The following ARMH3 variants were observed in gnomAD, a reference collection of about 807,000 sequenced individuals.
ARMH3 encodes armadillo like helical domain containing 3.
ARMH3 carries 60 observed loss-of-function variants against 99.1 expected under a neutral mutation model. The observed-to-expected ratio is 0.61, with a 90% CI of 0.49 to 0.75. The LOEUF (loss-of-function observed/expected upper bound fraction) is 0.75. Among genes scored for constraint, ARMH3 ranks in the 30% least tolerant of loss-of-function variants. ARMH3 has a pLI of 0.00. For synonymous variants in ARMH3, 285 were observed against 292.8 expected, an observed-to-expected ratio of 0.97 and a Z score of 0.27; for missense variants, 679 against 843.1, an observed-to-expected ratio of 0.81 and a Z score of 2.41.
intron 2 of ARMH3, among the ~76,000 whole-genome samples, chr10:102,036,853 C>A (rs1262955912): frequency 7.4e-5 from 11 of 148,278 alleles, no homozygotes; most frequent in African/African-American, 2.7e-4. Context: ...GAGAAACACC[C>A]AAGAATGATC....
chr10:101,895,400 C>T (rs2067800963), intron 23 of ARMH3, among the ~76,000 whole-genome samples: 1 of 152,002 alleles, frequency 6.6e-6, no homozygotes, highest in Admixed American at 6.6e-5. Flanking sequence ...CGGCATCAGC[C>T]TCCCGAGTAG....
At chr10:101,993,505 TA>T in intron 17 of ARMH3, 32 bp downstream of exon 17, 1 of 1,534,394 alleles carries the variant, frequency 6.5e-7, no homozygotes, top group Non-Finnish European at 8.9e-7. Flanking sequence ...AAATTTCCTC[TA>T]AGAAAAAACA....
intron 23 of ARMH3, among the ~76,000 whole-genome samples, chr10:101,903,415 C>T (rs1487361143): frequency 6.6e-6 from 1 of 152,118 alleles, no homozygotes; most frequent in Non-Finnish European, 1.5e-5. Flanking sequence ...ACACACACGA[C>T]AGACAGATAA....
chr10:101,907,419 G>A (rs1273577981), intron 23 of ARMH3, among the ~76,000 whole-genome samples: 2 of 147,554 alleles, frequency 1.4e-5, no homozygotes, highest in Non-Finnish European at 3.0e-5. Context: ...GTCTCACTCT[G>A]TCGCCCAGGC....
chr10:101,952,412 T>G (rs925053807), intron 22 of ARMH3, among the ~76,000 whole-genome samples: 2 of 152,070 alleles, frequency 1.3e-5, no homozygotes, highest in East Asian at 1.9e-4. Flanking sequence ...CAGAGAAGAC[T>G]AAGGAGTCAC....
chr10:102,051,571 C>T (rs1342214394), intron 1 of ARMH3, among the ~76,000 whole-genome samples: 2 of 152,056 alleles, frequency 1.3e-5, no homozygotes, highest in African/African-American at 4.8e-5. Context: ...TAGGACAGAA[C>T]CAGACTGATT....
At chr10:102,052,293 A>C (rs1235107318) in intron 1 of ARMH3, among the ~76,000 whole-genome samples, 1 of 151,858 alleles carries the variant, frequency 6.6e-6, no homozygotes, top group Non-Finnish European at 1.5e-5. Context: ...GCACAATCAC[A>C]GCTCACTGCA....
intron 19 of ARMH3, among the ~76,000 whole-genome samples, chr10:101,987,726 G>C (rs1055999027): frequency 6.6e-6 from 1 of 152,190 alleles, no homozygotes; most frequent in Admixed American, 6.5e-5. Context: ...GGGAAAGACA[G>C]CTGCCATGCC....
intron 20 of ARMH3, among the ~76,000 whole-genome samples, chr10:101,966,493 C>T (rs1845550998): frequency 1.3e-5 from 2 of 151,748 alleles, no homozygotes; most frequent in Non-Finnish European, 2.9e-5. Flanking sequence ...GTCTCGAACT[C>T]CTGACTTCAG....
At chr10:101,857,727 C>A (rs2066768312) in intron 24 of ARMH3, among the ~76,000 whole-genome samples, 1 of 152,232 alleles carries the variant, frequency 6.6e-6, no homozygotes, top group Non-Finnish European at 1.5e-5. Flanking sequence ...CTACTCAGGG[C>A]ATTGCCTAAT....
At position 102,023,763 on chromosome 10, in the gene ARMH3, A is replaced by G. The variant is rs1486073420; in HGVS notation, c.508-14T>C. On this transcript the variant is annotated splice_polypyrimidine_tract_variant and intron_variant, in intron 6 of 25. Transcript: ENST00000370033. ...GTTATCTGTCACCTGAATGTAATAA[A>G]AGGCTTTTTAAAGTCTGTTCTGAGG... 2 of 1,611,408 alleles carry G rather than the reference A, an allele frequency of 1.2e-6. No homozygotes were observed. The highest frequency in any genetic ancestry group is 3.3e-5 in the Admixed American group (2 of 60,006).
intron 1 of ARMH3, among the ~76,000 whole-genome samples, chr10:102,054,246 A>G (rs1297340541): frequency 6.6e-6 from 1 of 152,036 alleles, no homozygotes. Flanking sequence ...AAAATTAGCC[A>G]GGCATGGTGG....
intron 6 of ARMH3, among the ~76,000 whole-genome samples, chr10:102,024,249 G>C (rs746649282): frequency 2.6e-5 from 4 of 151,746 alleles, no homozygotes; most frequent in Non-Finnish European, 5.9e-5. Flanking sequence ...AGGAGTTCAA[G>C]ACCAACCTGG....
chr10:101,944,984 G>C (rs922891653), intron 22 of ARMH3, among the ~76,000 whole-genome samples: 1 of 152,052 alleles, frequency 6.6e-6, no homozygotes, highest in Non-Finnish European at 1.5e-5. Context: ...TTAAAAAATG[G>C]TGTTCTACTT....
chr10:101,860,214 AAG>A (rs2066833179), intron 24 of ARMH3, among the ~76,000 whole-genome samples: 2 of 152,198 alleles, frequency 1.3e-5, no homozygotes, highest in Admixed American at 6.5e-5. Flanking sequence ...GGAGGGAAGA[AAG>A]AGAATGAAGT....
chr10:101,924,119 TAACA>T (rs1044783917), intron 23 of ARMH3, among the ~76,000 whole-genome samples: 2 of 152,042 alleles, frequency 1.3e-5, no homozygotes, highest in Non-Finnish European at 2.9e-5. Context: ...CTGCAAAAGA[TAACA>T]AATACACAGA....
intron 22 of ARMH3, among the ~76,000 whole-genome samples, chr10:101,944,281 G>T (rs1271751915): frequency 0.076 from 2,042 of 26,944 alleles, 1 homozygote; most frequent in African/African-American, 0.14. Context: ...TATAGAGAGA[G>T]AGAGAGAGAG....
In ARMH3 at chr10:102,036,281, GC is replaced by G. The variant is rs1464869590; in HGVS notation, c.103-2943del. Among the ~76,000 whole-genome samples the G allele has an allele frequency of 2.4e-5, 3 of 127,044 alleles. No homozygotes were observed. The East Asian group carries it at 7.7e-4, about 33-fold the overall frequency. The allele number at this position is 127,044 out of a possible 152,430, so 83.3% of individuals were successfully genotyped here. A position where few individuals can be genotyped will look rare whatever the true frequency, so the allele number is the denominator to read the frequency against. On this transcript the variant is annotated intron_variant, in intron 2 of 25. Coordinates refer to ENST00000370033, the MANE Select transcript of ARMH3 (RefSeq NM_024541.3). ...GGGGGGGCACATCCGCCCGGCCGCC[GC>G]CCCGTCCAGGAGGTGGGGGGCGCCT... is the stretch of plus-strand genomic sequence containing the variant.
At chr10:102,002,960 C>T (rs1416090605) in intron 14 of ARMH3, among the ~76,000 whole-genome samples, 21 of 136,098 alleles carry the variant, frequency 1.5e-4, no homozygotes, top group East Asian at 6.4e-4. Context: ...GACTCTGTCA[C>T]AAATAAATAA....
Sources: allele counts gnomAD v4.1 joint callset (sites outside exome capture counted in the v4.1 genomes callset), GRCh38; gene constraint gnomAD v4.1.1; transcripts MANE v1.5; gene names NCBI Gene and HGNC (gene_info 2026-07-23, HGNC 2026-07-21).